Variants in SVEP1 observed in about 807,000 individuals in gnomAD.
SVEP1 encodes the protein sushi, von Willebrand factor type A, EGF and pentraxin domain containing 1, also known as sushi, von Willebrand factor type A, EGF and pentraxin domain-containing protein 1.
A neutral mutation model predicts 367.3 loss-of-function variants in SVEP1; 164 were observed. The ratio of observed to expected loss-of-function variants is 0.45; its 90% CI spans 0.39 to 0.51. The LOEUF is 0.51. SVEP1 is among the 20% of genes least tolerant of loss of function. The pLI is 0.00. For missense variants in SVEP1, 4,117 were observed against 4,425.3 expected (o/e 0.93, Z 1.98); for synonymous variants, 1,666 against 1,611.6 (o/e 1.03, Z -0.81).
intron 9 of SVEP1, among the ~76,000 whole-genome samples, chr9:110,486,057 A>G (rs1204305211): frequency 6.6e-6 from 1 of 152,210 alleles, no homozygotes; most frequent in Admixed American, 6.5e-5. Context: ...TCTTTTGCTC[A>G]TGTTTGGATC....
intron 8 of SVEP1, among the ~76,000 whole-genome samples, chr9:110,495,394 C>A (rs577595121): frequency 1.3e-5 from 2 of 151,940 alleles, no homozygotes; most frequent in Non-Finnish European, 2.9e-5. Context: ...TCTCAAGGGT[C>A]CTTATAAGGG....
intron 40 of SVEP1, among the ~76,000 whole-genome samples, chr9:110,400,076 T>G (rs903172935): frequency 4.6e-5 from 7 of 152,182 alleles, no homozygotes; most frequent in African/African-American, 1.7e-4. Flanking sequence ...TTGGTATTAG[T>G]TAAAACTGTT....
chr9:110,503,239 A>G, intron 5 of SVEP1, 22 bp from the exon 6 acceptor site: 1 of 1,596,078 alleles, frequency 6.3e-7, no homozygotes, highest in Non-Finnish European at 8.5e-7. Flanking sequence ...GAAAGCAATT[A>G]GATCACATTT....
chr9:110,402,822 T>G (rs573727246), intron 39 of SVEP1, among the ~76,000 whole-genome samples: 4 of 152,302 alleles, frequency 2.6e-5, no homozygotes, highest in Admixed American at 2.6e-4. Flanking sequence ...GAAGGCAAGT[T>G]AATAATTTGG....
At chr9:110,393,753 C>T (rs1226409638) in intron 40 of SVEP1, among the ~76,000 whole-genome samples, 4 of 152,202 alleles carry the variant, frequency 2.6e-5, no homozygotes, top group African/African-American at 9.6e-5. Context: ...CAGAGTCTCA[C>T]TCATTGCTAG....
At chr9:110,530,349 T>C (rs1830001370) in intron 3 of SVEP1, among the ~76,000 whole-genome samples, 1 of 152,172 alleles carries the variant, frequency 6.6e-6, no homozygotes, top group Non-Finnish European at 1.5e-5. Flanking sequence ...TCCTGGTCAC[T>C]ACAGAGACAT....
At position 110,434,678 on chromosome 9, in the gene SVEP1, A is replaced by AAAAAAAAAAAAAAAAAAAAAAAAAC. The variant is rs1828406261; in HGVS notation, c.4889-173_4889-172insGTTTTTTTTTTTTTTTTTTTTTTTT. On this transcript the variant is annotated intron_variant, in intron 29 of 47. Coordinates refer to ENST00000374469, the MANE Select transcript of SVEP1 (RefSeq NM_153366.4). ...CAAGCAAAATCACTAAAAAAAAAAA[A>AAAAAAAAAAAAAAAAAAAAAAAAAC]AAAAAAAAGCATTTAAGTCAATAAC... Among the ~76,000 whole-genome samples, 2 of 150,006 alleles carry AAAAAAAAAAAAAAAAAAAAAAAAAC rather than the reference A, an allele frequency of 1.3e-5. 1 individual carries two copies. The highest frequency in any genetic ancestry group is 3.0e-5 in the Non-Finnish European group (2 of 67,432).
intron 8 of SVEP1, among the ~76,000 whole-genome samples, chr9:110,495,957 C>T (rs757741486): frequency 2.0e-5 from 3 of 152,160 alleles, no homozygotes; most frequent in Non-Finnish European, 4.4e-5. Context: ...ATTGAGTCCA[C>T]ATCTTTTCTT....
chr9:110,510,401 T>C (rs1207034722), intron 5 of SVEP1, among the ~76,000 whole-genome samples: 1 of 152,196 alleles, frequency 6.6e-6, no homozygotes, highest in African/African-American at 2.4e-5. Flanking sequence ...GTGACTGTGC[T>C]TCCTTGACTG....
chr9:110,547,595 A>G (rs1377159738), intron 2 of SVEP1, among the ~76,000 whole-genome samples: 1 of 152,158 alleles, frequency 6.6e-6, no homozygotes, highest in Non-Finnish European at 1.5e-5. Context: ...TGAGAAGAAA[A>G]GAAAAGACAA....
chr9:110,384,859 T>G (rs929546272), intron 43 of SVEP1, among the ~76,000 whole-genome samples: 1 of 152,254 alleles, frequency 6.6e-6, no homozygotes, highest in African/African-American at 2.4e-5. Flanking sequence ...ATTCTTACAC[T>G]ATGCAGCCTT....
intron 2 of SVEP1, among the ~76,000 whole-genome samples, chr9:110,549,435 T>G (rs1830256525): frequency 6.6e-6 from 1 of 152,132 alleles, no homozygotes; most frequent in African/African-American, 2.4e-5. Context: ...TTCCTGTATC[T>G]TCATGTGTAT....
intron 37 of SVEP1, 105 bp downstream of exon 37, chr9:110,410,958 C>T: frequency 1.0e-6 from 1 of 972,462 alleles, no homozygotes; most frequent in Non-Finnish European, 1.5e-6. Context: ...GTTTCCATGC[C>T]TTAGTGAACT....
rs1399835871 is a variant in SVEP1, at chr9:110,392,084, G to A, written c.9823-2497C>T. On this transcript the variant is annotated intron_variant, in intron 40 of 47. Transcript: ENST00000374469. The stretch of plus-strand genomic sequence containing the variant: ...CTTCTCAGGGTCTCCAGTTTGCAGA[G>A]AGAAGATCCTGGGATTTAGCCTCCA... Among the ~76,000 whole-genome samples, 4 of 148,536 alleles carry A rather than the reference G, an allele frequency of 2.7e-5. No individual in the cohort carries two copies. In the South Asian group the frequency reaches 6.4e-4, roughly 24 times the overall value.
At chr9:110,562,086 G>A (rs945642065) in intron 1 of SVEP1, among the ~76,000 whole-genome samples, 12 of 152,016 alleles carry the variant, frequency 7.9e-5, no homozygotes, top group African/African-American at 2.9e-4. Flanking sequence ...ATCAAATTGG[G>A]AAATGGTACG....
intron 40 of SVEP1, among the ~76,000 whole-genome samples, chr9:110,391,468 C>A (rs1827654312): frequency 6.6e-6 from 1 of 152,024 alleles, no homozygotes; most frequent in Non-Finnish European, 1.5e-5. Context: ...GATGGAGTTT[C>A]ACCATGTTGG....
chr9:110,380,661 T>C (rs1345620262), intron 43 of SVEP1, among the ~76,000 whole-genome samples: 3 of 152,154 alleles, frequency 2.0e-5, no homozygotes, highest in African/African-American at 7.2e-5. Flanking sequence ...TTCTTTTTCT[T>C]GTATCTCCAT....
chr9:110,448,869 T>G (rs1828647254), intron 24 of SVEP1, among the ~76,000 whole-genome samples: 1 of 152,234 alleles, frequency 6.6e-6, no homozygotes, highest in South Asian at 2.1e-4. Context: ...AAAGTCTCAT[T>G]GGCAGAGTTG....
At chr9:110,445,811 A>G in intron 26 of SVEP1, 26 bp downstream of exon 26, 1 of 1,612,828 alleles carries the variant, frequency 6.2e-7, no homozygotes, top group Non-Finnish European at 8.5e-7. Context: ...GATCTTAAGC[A>G]TAGCCTTCCC....
Sources: gnomAD v4.1 joint callset for allele counts (sites outside exome capture counted in the v4.1 genomes callset) on GRCh38, gnomAD v4.1.1 for gene constraint, MANE v1.5 for transcripts, NCBI Gene and HGNC (gene_info 2026-07-23, HGNC 2026-07-21) for gene names.